Variants in MGAT4C observed in about 807,000 individuals in gnomAD.
MGAT4C encodes alpha-1,3-mannosyl-glycoprotein 4-beta-N-acetylglucosaminyltransferase C.
In MGAT4C, 19 loss-of-function variants were observed where a neutral mutation model predicts 40.1. The ratio of observed to expected loss-of-function variants is 0.47; its 90% CI spans 0.33 to 0.70. The LOEUF is 0.70. Ranked by LOEUF, MGAT4C falls within the 30% of genes least tolerant of loss-of-function variation. MGAT4C has a pLI of 0.02. For missense variants in MGAT4C, 491 were observed against 563.2 expected, an observed-to-expected ratio of 0.87 and a Z score of 1.30; for synonymous variants, 181 against 187.1, an observed-to-expected ratio of 0.97 and a Z score of 0.27.
chr12:86,264,897 T>C (rs867839685), intron 4 of MGAT4C, among the ~76,000 whole-genome samples: 12 of 152,192 alleles, frequency 7.9e-5, no homozygotes, highest in African/African-American at 2.7e-4. Flanking sequence ...ATCAGGCCCC[T>C]GCCGCCTCAG....
At chr12:86,028,491 C>CT (rs1325703047) in intron 2 of MGAT4C, among the ~76,000 whole-genome samples, 1 of 151,768 alleles carries the variant, frequency 6.6e-6, no homozygotes, top group African/African-American at 2.4e-5. Context: ...CTTTACACAA[C>CT]TTTTTTTTCC....
At chr12:86,219,558 C>A (rs1950802860) in intron 1 of MGAT4C, among the ~76,000 whole-genome samples, 1 of 152,084 alleles carries the variant, frequency 6.6e-6, no homozygotes, top group Non-Finnish European at 1.5e-5. Flanking sequence ...TGCAGGAAGG[C>A]CAATATTATA....
chr12:86,273,645 T>C (rs944011629), intron 4 of MGAT4C, among the ~76,000 whole-genome samples: 1 of 152,122 alleles, frequency 6.6e-6, no homozygotes, highest in Non-Finnish European at 1.5e-5. Context: ...AGTGTACAGA[T>C]TATATACCAT....
intron 1 of MGAT4C, among the ~76,000 whole-genome samples, chr12:86,106,841 T>C (rs771419375): frequency 1.3e-5 from 2 of 152,182 alleles, no homozygotes; most frequent in Non-Finnish European, 2.9e-5. Context: ...TGCTTGATGT[T>C]GTATTTGAAG....
At chr12:86,007,690 G>A (rs1394494182) in intron 2 of MGAT4C, among the ~76,000 whole-genome samples, 1 of 151,954 alleles carries the variant, frequency 6.6e-6, no homozygotes, top group African/African-American at 2.4e-5. Context: ...ATTTATCAAA[G>A]GTGAACAGTA....
At chr12:86,324,704 T>C (rs1435835136) in intron 4 of MGAT4C, among the ~76,000 whole-genome samples, 1 of 152,072 alleles carries the variant, frequency 6.6e-6, no homozygotes, top group East Asian at 1.9e-4. Context: ...GAGTTGTTTT[T>C]TTTTTCTGCT....
chr12:86,270,307 C>G (rs2136107045), intron 4 of MGAT4C, among the ~76,000 whole-genome samples: 1 of 152,134 alleles, frequency 6.6e-6, no homozygotes, highest in African/African-American at 2.4e-5. Context: ...TCTCGAACTC[C>G]TGACCTCAGG....
At chr12:86,060,129 G>T (rs970117514) in intron 1 of MGAT4C, among the ~76,000 whole-genome samples, 23 of 152,228 alleles carry the variant, frequency 1.5e-4, no homozygotes, top group African/African-American at 5.3e-4. Flanking sequence ...AGAACTTGGG[G>T]TATGACAGAT....
chr12:86,601,312 T>A (rs1192493761), intron 2 of MGAT4C: 2 of 152,108 alleles, frequency 1.3e-5, no homozygotes, highest in Non-Finnish European at 2.9e-5. Flanking sequence ...TTTTTTTTGA[T>A]AGCTTTTGGC....
chr12:86,826,454 T>C (rs1952810673), intron 1 of MGAT4C, among the ~76,000 whole-genome samples: 1 of 151,472 alleles, frequency 6.6e-6, no homozygotes, highest in Non-Finnish European at 1.5e-5. Flanking sequence ...TTTAAATCAT[T>C]ATTAAAGTTA....
At position 86,766,781 on chromosome 12, in the gene MGAT4C, C is replaced by G. The variant is rs144436600; in HGVS notation, c.-261-39540G>C. Among the ~76,000 whole-genome samples the G allele has an allele frequency of 7.2e-5, 11 of 151,916 alleles. 1 individual carries two copies. The highest frequency in any genetic ancestry group is 2.4e-4 in the African/African-American group (10 of 41,458). ...TCCTGAATGACTACTGGGTACATAA[C>G]AAAATGAAGGCAGAAATAAAGATGT... On this transcript the variant is annotated intron_variant, in intron 1 of 7. Transcript: ENST00000548651.
chr12:86,517,507 C>T (rs1020510927), intron 2 of MGAT4C, among the ~76,000 whole-genome samples: 2 of 152,128 alleles, frequency 1.3e-5, no homozygotes, highest in Non-Finnish European at 1.5e-5. Context: ...CCACACATAT[C>T]CCTGGACTAT....
At chr12:86,004,666 T>C (rs1220482071) in intron 2 of MGAT4C, among the ~76,000 whole-genome samples, 3 of 152,174 alleles carry the variant, frequency 2.0e-5, no homozygotes, top group Non-Finnish European at 4.4e-5. Flanking sequence ...TGGACAATAA[T>C]GAAGTGAAGA....
intron 3 of MGAT4C, among the ~76,000 whole-genome samples, chr12:86,372,306 C>T (rs144630028): frequency 5.9e-5 from 9 of 151,760 alleles, no homozygotes; most frequent in East Asian, 1.9e-4. Context: ...TTTAACCACC[C>T]GAATCATGTA....
intron 1 of MGAT4C, among the ~76,000 whole-genome samples, chr12:86,749,410 C>A (rs1190337181): frequency 6.6e-6 from 1 of 151,550 alleles, no homozygotes; most frequent in Non-Finnish European, 1.5e-5. Flanking sequence ...AAACCCTATA[C>A]CTTCATTCAA....
chr12:86,101,697 C>T (rs939211320), intron 1 of MGAT4C, among the ~76,000 whole-genome samples: 1 of 151,754 alleles, frequency 6.6e-6, no homozygotes, highest in Admixed American at 6.6e-5. Flanking sequence ...GCTGCATTTA[C>T]TTTAGGGTGG....
At chr12:86,485,749 G>A (rs1958009102) in intron 2 of MGAT4C, among the ~76,000 whole-genome samples, 2 of 152,024 alleles carry the variant, frequency 1.3e-5, no homozygotes, top group South Asian at 4.1e-4. Context: ...TACTATATAA[G>A]ACAACAACCT....
chr12:86,072,667 C>A (rs549134163), intron 1 of MGAT4C, among the ~76,000 whole-genome samples: 20 of 151,764 alleles, frequency 1.3e-4, no homozygotes, highest in Middle Eastern at 3.4e-3. Flanking sequence ...AGATGGAGAG[C>A]GAAACAGAGT....
intron 2 of MGAT4C, among the ~76,000 whole-genome samples, chr12:86,561,556 T>A (rs1959863762): frequency 6.6e-6 from 1 of 152,174 alleles, no homozygotes; most frequent in South Asian, 2.1e-4. Flanking sequence ...CTCTTGAACT[T>A]ATACCAGTGG....
Sources: allele counts gnomAD v4.1 joint callset (sites outside exome capture counted in the v4.1 genomes callset), GRCh38; gene constraint gnomAD v4.1.1; transcripts MANE v1.5; gene names NCBI Gene and HGNC (gene_info 2026-07-23, HGNC 2026-07-21).